DIAPH3: variants seen among roughly 807,000 people sequenced by gnomAD.
DIAPH3 encodes the protein protein diaphanous homolog 3.
In DIAPH3, 117 loss-of-function variants were observed where a neutral mutation model predicts 144.3. The ratio of observed to expected loss-of-function variants is 0.81; its 90% CI spans 0.70 to 0.95. The LOEUF (loss-of-function observed/expected upper bound fraction) is 0.95. Among genes scored for constraint, DIAPH3 ranks in the 40% least tolerant of loss-of-function variants. The pLI is 0.00. For synonymous variants in DIAPH3, 519 were observed against 488.9 expected, an observed-to-expected ratio of 1.06 and a Z score of -0.81; for missense variants, 1,421 against 1,412.7, an observed-to-expected ratio of 1.01 and a Z score of -0.09.
intron 27 of DIAPH3, among the ~76,000 whole-genome samples, chr13:59,714,077 AG>A (rs1261859642): frequency 6.6e-6 from 1 of 151,862 alleles, no homozygotes; most frequent in African/African-American, 2.4e-5. Flanking sequence ...AAATTTAGCT[AG>A]GGCCGGGCGC....
chr13:59,805,767 G>C (rs2040160219), intron 25 of DIAPH3, among the ~76,000 whole-genome samples: 2 of 151,832 alleles, frequency 1.3e-5, no homozygotes, highest in South Asian at 4.1e-4. Context: ...TTCTTAGTTT[G>C]GTTGCTCAGA....
chr13:60,047,065 G>A (rs1377606152), intron 4 of DIAPH3, among the ~76,000 whole-genome samples: 1 of 151,980 alleles, frequency 6.6e-6, no homozygotes, highest in African/African-American at 2.4e-5. Flanking sequence ...CATGGCACGT[G>A]TATACCTATG....
intron 27 of DIAPH3, among the ~76,000 whole-genome samples, chr13:59,690,692 G>A (rs1397378552): frequency 6.6e-6 from 1 of 152,070 alleles, no homozygotes; most frequent in African/African-American, 2.4e-5. Flanking sequence ...TTAACTTTGG[G>A]AATACACTGG....
chr13:59,675,588 G>A (rs2032607116), intron 27 of DIAPH3, among the ~76,000 whole-genome samples: 1 of 152,080 alleles, frequency 6.6e-6, no homozygotes, highest in Non-Finnish European at 1.5e-5. Flanking sequence ...GTTTCACCGT[G>A]TTAGCCAGGA....
chr13:60,001,098 C>CA (rs2140891812), intron 9 of DIAPH3, among the ~76,000 whole-genome samples: 1 of 152,168 alleles, frequency 6.6e-6, no homozygotes, highest in African/African-American at 2.4e-5. Context: ...TGTGTGTATA[C>CA]AAAACAATCT....
At chr13:60,095,958 A>C (rs1237952020) in intron 3 of DIAPH3, among the ~76,000 whole-genome samples, 1 of 152,180 alleles carries the variant, frequency 6.6e-6, no homozygotes, top group Admixed American at 6.5e-5. Context: ...CCACTGCTGT[A>C]CTCACAGAGG....
intron 2 of DIAPH3, among the ~76,000 whole-genome samples, chr13:60,113,196 C>T (rs543111969): frequency 6.6e-6 from 1 of 152,206 alleles, no homozygotes; most frequent in East Asian, 1.9e-4. Flanking sequence ...AATTCAGTTC[C>T]TTCATTGGAC....
At chr13:59,961,622 C>A (rs997607482) in intron 17 of DIAPH3, among the ~76,000 whole-genome samples, 1 of 152,132 alleles carries the variant, frequency 6.6e-6, no homozygotes, top group Non-Finnish European at 1.5e-5. Context: ...TATTTTAAAT[C>A]AATGCAGAGC....
chr13:60,032,122 G>C (rs1486426418), intron 5 of DIAPH3, among the ~76,000 whole-genome samples: 1 of 152,162 alleles, frequency 6.6e-6, no homozygotes, highest in Admixed American at 6.5e-5. Context: ...CAAGGCCTTA[G>C]GTAGCTCTGC....
At chr13:59,822,729 C>G (rs1201275942) in intron 24 of DIAPH3, among the ~76,000 whole-genome samples, 2 of 152,076 alleles carry the variant, frequency 1.3e-5, no homozygotes, top group African/African-American at 2.4e-5. Context: ...GCCTGAGCCA[C>G]CAGGCCTAGC....
At chr13:59,971,817 T>C (rs1169613708) in intron 15 of DIAPH3, among the ~76,000 whole-genome samples, 1 of 152,166 alleles carries the variant, frequency 6.6e-6, no homozygotes, top group African/African-American at 2.4e-5. Flanking sequence ...CTCATGCTAA[T>C]TTCAGGGCCC....
intron 17 of DIAPH3, among the ~76,000 whole-genome samples, chr13:59,935,320 C>T (rs562785883): frequency 4.6e-5 from 7 of 152,258 alleles, no homozygotes; most frequent in South Asian, 2.1e-4. Context: ...GTCAAGAATG[C>T]GCCTATCACT....
intron 2 of DIAPH3, among the ~76,000 whole-genome samples, chr13:60,122,124 G>A (rs536342332): frequency 3.3e-5 from 5 of 152,188 alleles, no homozygotes; most frequent in Admixed American, 6.5e-5. Flanking sequence ...TGGCTCAAAG[G>A]TTCATCTTGA....
At chr13:60,020,114 C>T (rs1278069253) in intron 5 of DIAPH3, among the ~76,000 whole-genome samples, 1 of 152,072 alleles carries the variant, frequency 6.6e-6, no homozygotes, top group Non-Finnish European at 1.5e-5. Flanking sequence ...CATATTTATT[C>T]CAGCATGGGA....
chr13:60,036,334 C>T (rs904478995), intron 5 of DIAPH3, among the ~76,000 whole-genome samples: 4 of 152,098 alleles, frequency 2.6e-5, no homozygotes, highest in Non-Finnish European at 5.9e-5. Context: ...GAATTGCTTA[C>T]AATGACAGAA....
chr13:60,042,707 C>A lies in DIAPH3; in HGVS notation c.609G>T (p.Leu203Phe). The change falls in exon 5 of 28, where the codon TTG (leucine) becomes TTT (phenylalanine). Residue 203 changes from leucine (L) to phenylalanine (F), a missense_variant. Coordinates refer to ENST00000400324, the MANE Select transcript of DIAPH3 (RefSeq NM_001042517.2). ...VTCLESLRVS[L>F]TSNPVSWVES... ...TGAATTACCTCACAGGATTGCTGGTCAAAGACACTCGGAGAGACTCCAGGC... is the reference window on the plus strand; with the variant it reads ...TGAATTACCTCACAGGATTGCTGGTAAAAGACACTCGGAGAGACTCCAGGC... The A allele has an allele frequency of 6.2e-7, 1 of 1,613,578 alleles. No individual in the cohort carries two copies. Among genetic ancestry groups the A allele is most frequent in the South Asian group, 1.1e-5 (1 of 91,022 alleles).
chr13:59,935,013 A>G (rs755352244), intron 17 of DIAPH3, among the ~76,000 whole-genome samples: 2 of 152,212 alleles, frequency 1.3e-5, no homozygotes, highest in Admixed American at 1.3e-4. Context: ...GCTTTGGGAA[A>G]TAACTACACA....
In DIAPH3 at chr13:60,073,611, A is replaced by G. The variant is rs1465990283; in HGVS notation, c.495+20017T>C. On this transcript the variant is annotated intron_variant, in intron 4 of 27. Transcript: ENST00000400324. ...TGAGGTAAATATCCCAGCTGCCTCTATTTTTCATTTATGGTGATATTTATG... is the reference window on the plus strand; with the variant it reads ...TGAGGTAAATATCCCAGCTGCCTCTGTTTTTCATTTATGGTGATATTTATG... Among the ~76,000 whole-genome samples the G allele has an allele frequency of 7.9e-5, 12 of 152,246 alleles. 1 individual carries two copies. In the East Asian group the frequency reaches 2.3e-3, roughly 29 times the overall value.
At chr13:59,942,687 A>C (rs1472317459) in intron 17 of DIAPH3, among the ~76,000 whole-genome samples, 1 of 152,198 alleles carries the variant, frequency 6.6e-6, no homozygotes, top group African/African-American at 2.4e-5. Context: ...GGCTACACAT[A>C]TAAGTGTATA....
Sources: allele counts gnomAD v4.1 joint callset (sites outside exome capture counted in the v4.1 genomes callset), GRCh38; gene constraint gnomAD v4.1.1; transcripts MANE v1.5; gene names NCBI Gene and HGNC (gene_info 2026-07-23, HGNC 2026-07-21).